KLK8: variants seen among roughly 807,000 people sequenced by gnomAD.
KLK8 encodes kallikrein related peptidase 8, also known as kallikrein-8.
A neutral mutation model predicts 26.7 loss-of-function variants in KLK8; 18 were observed. The ratio of observed to expected loss-of-function variants is 0.67; its 90% CI spans 0.47 to 1.00. The LOEUF (loss-of-function observed/expected upper bound fraction) is 1.00, where lower values mean the gene tolerates loss of function less well. Among genes scored for constraint, KLK8 ranks in the 50% least tolerant of loss-of-function variants. The pLI is 0.00. For missense variants in KLK8, 301 were observed against 331.7 expected, an observed-to-expected ratio of 0.91 and a Z score of 0.72; for synonymous variants, 137 against 127.1, an observed-to-expected ratio of 1.08 and a Z score of -0.52.
chr19:51,000,651 T>C (rs779678948), intron 3 of KLK8, 68 bp from the exon 3 acceptor site: 22 of 1,589,670 alleles, frequency 1.4e-5, no homozygotes, highest in Non-Finnish European at 1.8e-5. Context: ...AAGGCCACTG[T>C]GGGTTCAAAT....
At chr19:50,998,155 G>C (rs1250172473) in intron 5 of KLK8, among the ~76,000 whole-genome samples, 3 of 152,024 alleles carry the variant, frequency 2.0e-5, no homozygotes, top group African/African-American at 2.4e-5. Flanking sequence ...AAGGGGCTGG[G>C]GGTTACTTGG....
chr19:50,997,917 A>G, intron 5 of KLK8, 33 bp from the exon 5 acceptor site: 2 of 1,612,430 alleles, frequency 1.2e-6, no homozygotes, highest in Non-Finnish European at 1.7e-6. Flanking sequence ...GTTCCCTGAG[A>G]GAGCAGCCCT....
chr19:50,997,998 T>C, intron 5 of KLK8, 114 bp from the exon 5 acceptor site: 1 of 1,341,924 alleles, frequency 7.5e-7, no homozygotes, highest in East Asian at 2.3e-5. Flanking sequence ...TCCAGCTGCA[T>C]GGGGGAATTT....
Position 51,001,108 on chromosome 19 carries a change from T to TC in KLK8, c.59dup (p.Ala21SerfsTer18), listed in dbSNP as rs756039646. The TC allele has an allele frequency of 1.2e-5, 19 of 1,611,554 alleles. No homozygotes were observed. Among genetic ancestry groups the TC allele is most frequent in the Non-Finnish European group, 1.5e-5 (18 of 1,179,358 alleles). On this transcript the variant is annotated frameshift_variant, in exon 3 of 7. Coordinates refer to ENST00000600767, the Ensembl canonical transcript of KLK8. LOFTEE classifies it high-confidence loss of function. ...CGCAACCCTCCTCACCTGCCCAGGC[T>TC]CCCCCCAGCAAGAGCAGGAACATCC...
In KLK8 at chr19:50,999,599, A is replaced by AAAAAAAG. The variant is rs1324529414; in HGVS notation, c.493+396_493+397insCTTTTTT. Among the ~76,000 whole-genome samples the AAAAAAAG allele has an allele frequency of 1.9e-4, 20 of 105,428 alleles. 1 individual carries two copies. The highest frequency in any genetic ancestry group is 9.8e-4 in the African/African-American group (19 of 19,400). 69.2% of individuals were successfully genotyped at this position (105,428 alleles called of 152,430 possible). A position where few individuals can be genotyped will look rare whatever the true frequency, so the allele number is the denominator to read the frequency against. On this transcript the variant is annotated intron_variant, in intron 5 of 6. Coordinates refer to ENST00000600767, the Ensembl canonical transcript of KLK8. The stretch of plus-strand genomic sequence containing the variant: ...GTCCCCCTGCAAAAAAAAAAAAAAA[A>AAAAAAAG]AAAAAAAAAAAAAAAAAAAAAAAAA...
intron 6 of KLK8, among the ~76,000 whole-genome samples, chr19:50,996,504 C>A (rs1377987053): frequency 6.6e-6 from 1 of 151,906 alleles, no homozygotes; most frequent in African/African-American, 2.4e-5. Context: ...GAGGCCGAGG[C>A]GGTAGATCAC....
intron 3 of KLK8, 190 bp from the exon 3 acceptor site, chr19:51,000,773 A>G: frequency 6.7e-7 from 1 of 1,489,264 alleles, no homozygotes; most frequent in Non-Finnish European, 9.0e-7. Context: ...AGAGTCACAC[A>G]CCCAAGAATG....
rs2091217207 is a variant in KLK8 at position 51,000,805 on chromosome 19, G to A, written c.71-222C>T. The A allele has an allele frequency of 2.2e-6, 3 of 1,351,546 alleles. No homozygotes were observed. The East Asian group carries it at 7.3e-5, about 33-fold the overall frequency. The allele number at this position is 1,351,546 out of a possible 1,614,324, so 83.7% of individuals were successfully genotyped here. A position where few individuals can be genotyped will look rare whatever the true frequency, so the allele number is the denominator to read the frequency against. ...AATGCCCCCACATGCTTCCACATGAGTCTACAGGCCCCGAGTACTCCCAGG... is the reference window on the plus strand; with the variant it reads ...AATGCCCCCACATGCTTCCACATGAATCTACAGGCCCCGAGTACTCCCAGG... On this transcript the variant is annotated intron_variant, in intron 3 of 6. Transcript: ENST00000600767.
intron 6 of KLK8, among the ~76,000 whole-genome samples, chr19:50,996,848 T>C (rs752747560): frequency 4.7e-5 from 7 of 150,398 alleles, no homozygotes; most frequent in Admixed American, 6.7e-5. Flanking sequence ...AAGGCATCAT[T>C]GATTGCAGTT....
At chr19:51,000,498 C>T in exon 4 of KLK8, 1 of 1,614,070 alleles carries the variant, frequency 6.2e-7, no homozygotes, top group Non-Finnish European at 8.5e-7. Flanking sequence ...GTTGCTGGCC[C>T]TGGAACAAGG....
At chr19:50,996,903 C>A (rs2091174636) in intron 6 of KLK8, among the ~76,000 whole-genome samples, 1 of 148,096 alleles carries the variant, frequency 6.8e-6, no homozygotes, top group Non-Finnish European at 1.5e-5. Context: ...GACACACACA[C>A]ACACACACAC....
At chr19:51,000,301 C>A (rs1256566529) in intron 4 of KLK8, 43 bp from the exon 4 acceptor site, 3 of 1,545,650 alleles carry the variant, frequency 1.9e-6, no homozygotes, top group Admixed American at 1.8e-5. Context: ...AGGGGTATTG[C>A]CCCCAGCCCC....
intron 4 of KLK8, 37 bp from the exon 4 acceptor site, chr19:51,000,295 G>C: frequency 6.4e-7 from 1 of 1,552,324 alleles, no homozygotes; most frequent in South Asian, 1.2e-5. Context: ...CCAGGCAGGG[G>C]TATTGCCCCC....
chr19:51,000,549 C>A, exon 4 of KLK8: 1 of 1,614,096 alleles, frequency 6.2e-7, no homozygotes, highest in Non-Finnish European at 8.5e-7. Context: ...ACTCATGACC[C>A]CCCAGCACCT....
chr19:50,998,445 A>T (rs1260819237), intron 5 of KLK8, among the ~76,000 whole-genome samples: 1 of 152,204 alleles, frequency 6.6e-6, no homozygotes, highest in East Asian at 1.9e-4. Context: ...AACGACAAGG[A>T]CTTTGTACAG....
chr19:50,998,682 G>A (rs535937099), intron 5 of KLK8, among the ~76,000 whole-genome samples: 31 of 152,124 alleles, frequency 2.0e-4, no homozygotes, highest in Non-Finnish European at 4.3e-4. Flanking sequence ...TCACAACAGC[G>A]CTTTGAAGGA....
chr19:50,998,587 T>A (rs2091191096), intron 5 of KLK8, among the ~76,000 whole-genome samples: 1 of 152,188 alleles, frequency 6.6e-6, no homozygotes, highest in Admixed American at 6.5e-5. Flanking sequence ...GGAATAGACT[T>A]CTCCAAAGCC....
At chr19:51,001,384 G>C (rs1236177809) in intron 2 of KLK8, 148 bp downstream of exon 1, 2 of 560,112 alleles carry the variant, frequency 3.6e-6, no homozygotes, top group African/African-American at 1.9e-5. Context: ...GGAGCTGGGA[G>C]CTGGGACTCC....
chr19:51,000,095 G>A, exon 5 of KLK8: 1 of 1,614,096 alleles, frequency 6.2e-7, no homozygotes, highest in Non-Finnish European at 8.5e-7. Flanking sequence ...TTGGACCCCA[G>A]GGATGCCTGG....
Sources: allele counts gnomAD v4.1 joint callset (sites outside exome capture counted in the v4.1 genomes callset), GRCh38; gene constraint gnomAD v4.1.1; transcripts MANE v1.5; gene names NCBI Gene and HGNC (gene_info 2026-07-23, HGNC 2026-07-21).